Variants in PLEKHA6 observed in about 807,000 individuals in gnomAD.
The protein encoded by PLEKHA6 is pleckstrin homology domain-containing family A member 6.
PLEKHA6 carries 60 observed loss-of-function variants against 116.7 expected under a neutral mutation model. That is an observed-to-expected ratio of 0.51 (90% CI 0.42 to 0.64). PLEKHA6 has a LOEUF of 0.64. Ranked by LOEUF, PLEKHA6 falls within the 30% of genes least tolerant of loss-of-function variation. PLEKHA6 has a pLI of 0.00. For synonymous variants in PLEKHA6, 489 were observed against 556.1 expected (o/e 0.88, Z 1.70); for missense variants, 1,338 against 1,422.7 (o/e 0.94, Z 0.96).
At chr1:204,251,435 G>A (rs1225013339) in intron 9 of PLEKHA6, 2 of 641,998 alleles carry the variant, frequency 3.1e-6, no homozygotes, top group African/African-American at 3.6e-5. Context: ...TGAGCGGGTT[G>A]GGTGGCGTGA....
chr1:204,326,492 C>T (rs1474622346), intron 1 of PLEKHA6, among the ~76,000 whole-genome samples: 1 of 152,162 alleles, frequency 6.6e-6, no homozygotes, highest in Non-Finnish European at 1.5e-5. Context: ...CATGGCTGCC[C>T]CAGTCCATGC....
intron 1 of PLEKHA6, among the ~76,000 whole-genome samples, chr1:204,289,824 T>C (rs1669567386): frequency 6.6e-6 from 1 of 152,216 alleles, no homozygotes; most frequent in Non-Finnish European, 1.5e-5. Flanking sequence ...TTCCTGCTCT[T>C]TTAAATTCAA....
At chr1:204,291,893 A>G (rs796537940) in intron 1 of PLEKHA6, among the ~76,000 whole-genome samples, 4 of 152,340 alleles carry the variant, frequency 2.6e-5, no homozygotes, top group African/African-American at 9.6e-5. Flanking sequence ...CTTTAAATAT[A>G]TACAATTTAT....
chr1:204,331,730 A>C (rs1336437847), intron 1 of PLEKHA6, among the ~76,000 whole-genome samples: 3 of 152,152 alleles, frequency 2.0e-5, no homozygotes, highest in African/African-American at 7.2e-5. Flanking sequence ...AAAGAAAGCA[A>C]CTGTAAGGAG....
chr1:204,319,037 C>T (rs1671963536), intron 1 of PLEKHA6, among the ~76,000 whole-genome samples: 1 of 152,208 alleles, frequency 6.6e-6, no homozygotes, highest in Non-Finnish European at 1.5e-5. Flanking sequence ...TCCTTCCCAT[C>T]TTGATAACTA....
intron 1 of PLEKHA6, among the ~76,000 whole-genome samples, chr1:204,312,722 G>A (rs1462527224): frequency 1.3e-5 from 2 of 152,154 alleles, no homozygotes. Context: ...CTGGGGACAG[G>A]CACAGAAGAA....
chr1:204,230,325 C>A, intron 18 of PLEKHA6, 88 bp downstream of exon 18: 1 of 1,111,012 alleles, frequency 9.0e-7, no homozygotes, highest in Non-Finnish European at 1.2e-6. Flanking sequence ...CCTCTCAAAC[C>A]CCCCAGGCCC....
intron 1 of PLEKHA6, among the ~76,000 whole-genome samples, chr1:204,330,884 C>T (rs922757680): frequency 5.3e-5 from 8 of 152,130 alleles, no homozygotes; most frequent in Admixed American, 1.3e-4. Flanking sequence ...CCTTTCAGTA[C>T]CCTGGGTTCT....
chr1:204,248,084 G>C (rs938796292), intron 12 of PLEKHA6, among the ~76,000 whole-genome samples: 3 of 151,002 alleles, frequency 2.0e-5, no homozygotes, highest in African/African-American at 7.3e-5. Flanking sequence ...GCTTCTTGGA[G>C]CCATTCTCCA....
At chr1:204,233,149 C>G (rs1454821750) in intron 17 of PLEKHA6, among the ~76,000 whole-genome samples, 2 of 150,498 alleles carry the variant, frequency 1.3e-5, no homozygotes, top group Non-Finnish European at 3.0e-5. Flanking sequence ...ATTTTGAAAG[C>G]AGATTAATTT....
intron 1 of PLEKHA6, among the ~76,000 whole-genome samples, chr1:204,323,812 G>A (rs1247503836): frequency 1.3e-5 from 2 of 152,208 alleles, no homozygotes; most frequent in Non-Finnish European, 2.9e-5. Context: ...CTTCACAACA[G>A]CCTTTTGAGA....
rs890301336 is a variant in PLEKHA6 at position 204,265,096 on chromosome 1, C to T, written c.281-54G>A. On this transcript the variant is annotated intron_variant, in intron 5 of 22. Coordinates refer to ENST00000272203, the MANE Select transcript of PLEKHA6 (RefSeq NM_014935.5). Reference sequence around the variant, plus strand: ...GTGTGTGTGTGTGTGCAAGCGTGTGCGTGCGCCAGGGGTGGGGAGGAGTGT... The same window carrying T: ...GTGTGTGTGTGTGTGCAAGCGTGTGTGTGCGCCAGGGGTGGGGAGGAGTGT... 1.4e-4 allele frequency: 175 copies of T among 1,232,582 alleles called. 1 individual carries two copies. The highest frequency in any genetic ancestry group is 2.0e-4 in the Non-Finnish European group (163 of 832,620). 76.4% of individuals were successfully genotyped at this position (1,232,582 alleles called of 1,614,324 possible).
At chr1:204,343,314 G>T (rs1442259390) in intron 1 of PLEKHA6, among the ~76,000 whole-genome samples, 3 of 152,166 alleles carry the variant, frequency 2.0e-5, no homozygotes, top group Non-Finnish European at 4.4e-5. Context: ...AATTGCCTTT[G>T]GTTGCCAGGC....
intron 1 of PLEKHA6, among the ~76,000 whole-genome samples, chr1:204,372,007 G>C (rs1409826637): frequency 6.6e-6 from 1 of 152,234 alleles, no homozygotes; most frequent in Non-Finnish European, 1.5e-5. Context: ...CAATGTTAGA[G>C]ATGATTGCTA....
rs1571740120 is a variant in PLEKHA6, at chr1:204,228,211, G to A, written c.2903C>T (p.Pro968Leu). The A allele has an allele frequency of 1.2e-6, 2 of 1,608,522 alleles. No individual in the cohort carries two copies. Among genetic ancestry groups the A allele is most frequent in the African/African-American group, 2.7e-5 (2 of 74,926 alleles). Residue 968 changes from proline (P) to leucine (L), a missense_variant, in exon 21 of 23, where the codon CCC (proline) becomes CTC (leucine). Coordinates refer to ENST00000272203, the MANE Select transcript of PLEKHA6 (RefSeq NM_014935.5). This position sits in a 1 kb window ranked among gnomAD's most constrained non-coding sequence, Gnocchi z 4.0. ...IAKSSMQNVVPIGEGDSVDVP... is the reference protein window; with the variant it reads ...IAKSSMQNVVLIGEGDSVDVP... ...GTCCACAGAGTCCCCCTCGCCGATG[G>A]GCACCACGTTCTGCATACTGAAGAG... is the stretch of plus-strand genomic sequence containing the variant.
Position 204,280,072 on chromosome 1 carries a change from G to A in PLEKHA6, c.-94-5263C>T, listed in dbSNP as rs528424402. On this transcript the variant is annotated intron_variant, in intron 1 of 22. Transcript: ENST00000272203. ...GCACAGGCTGGGAGTGCCAGGGGCA[G>A]GCACTCTGGAAGTCTCAAGAGCGAT... Among the ~76,000 whole-genome samples, 3 of 152,292 alleles carry A rather than the reference G, an allele frequency of 2.0e-5. No individual in the cohort carries two copies. In the East Asian group the frequency reaches 5.8e-4, roughly 29 times the overall value.
intron 1 of PLEKHA6, among the ~76,000 whole-genome samples, chr1:204,339,526 A>G (rs1039916917): frequency 6.6e-6 from 1 of 152,186 alleles, no homozygotes; most frequent in Admixed American, 6.5e-5. Context: ...AGAGGAGGGA[A>G]TCAGTTAAAC....
chr1:204,311,684 G>A, intron 1 of PLEKHA6: 1 of 969,452 alleles, frequency 1.0e-6, no homozygotes, highest in Non-Finnish European at 1.2e-6. Flanking sequence ...GGAACTGAAA[G>A]TACCTTTGCT....
rs778721918 is a variant in PLEKHA6, at chr1:204,249,183, C to A, written c.1674+1G>T. On this transcript the variant is annotated splice_donor_variant, in intron 11 of 22. Coordinates refer to ENST00000272203, the MANE Select transcript of PLEKHA6 (RefSeq NM_014935.5). LOFTEE classifies it high-confidence loss of function. ...GCTTAAAGCCACCCCCAGCTTCTCACCTTCTCAGCTCGGAGCTGCTGCACC... is the reference window on the plus strand; with the variant it reads ...GCTTAAAGCCACCCCCAGCTTCTCAACTTCTCAGCTCGGAGCTGCTGCACC... 6.2e-7 allele frequency: 1 copy of A among 1,611,570 alleles called. No homozygotes were observed. Among genetic ancestry groups the A allele is most frequent in the South Asian group, 1.1e-5 (1 of 90,964 alleles).
Sources: gnomAD v4.1 joint callset for allele counts (sites outside exome capture counted in the v4.1 genomes callset) on GRCh38, gnomAD v4.1.1 for gene constraint, Gnocchi (gnomAD v3.1) non-coding constraint, MANE v1.5 for transcripts, NCBI Gene and HGNC (gene_info 2026-07-23, HGNC 2026-07-21) for gene names.